Variants in EPHA4 observed in about 807,000 individuals in gnomAD.
The protein encoded by EPHA4 is EPH receptor A4, also known as ephrin type-A receptor 4.
In EPHA4, 19 loss-of-function variants were observed where a neutral mutation model predicts 108.3. The observed-to-expected ratio is 0.18, with a 90% CI of 0.12 to 0.26. EPHA4 has a LOEUF of 0.26. EPHA4 is among the 10% of genes least tolerant of loss of function. The probability of loss-of-function intolerance (pLI) is 1.00; values close to 1 mark genes in which losing one functional copy is unlikely to be tolerated. For synonymous variants in EPHA4, 449 were observed against 455.5 expected (o/e 0.99, Z 0.18); for missense variants, 917 against 1,254.0 (o/e 0.73, Z 4.06).
intron 5 of EPHA4, among the ~76,000 whole-genome samples, chr2:221,459,381 G>T (rs1462090602): frequency 6.6e-6 from 1 of 151,492 alleles, no homozygotes; most frequent in Non-Finnish European, 1.5e-5. Flanking sequence ...AAACACAAGG[G>T]AAAGATACAG....
Position 221,456,599 on chromosome 2 carries a change from G to T in EPHA4, c.1603+14C>A, listed in dbSNP as rs762109879. 5 of 1,613,104 alleles carry T rather than the reference G, an allele frequency of 3.1e-6. No homozygotes were observed. The highest frequency in any genetic ancestry group is 4.2e-6 in the Non-Finnish European group (5 of 1,179,310). Reference sequence around the variant, plus strand: ...TAGCCTCAGAAGTGACTGAGTCTGGGTGGTCCTTGTTACCTGTGTTGGTTG... The same window carrying T: ...TAGCCTCAGAAGTGACTGAGTCTGGTTGGTCCTTGTTACCTGTGTTGGTTG... On this transcript the variant is annotated intron_variant, in intron 7 of 17. Transcript: ENST00000281821.
At chr2:221,500,470 G>A (rs574507084) in intron 4 of EPHA4, among the ~76,000 whole-genome samples, 23 of 152,304 alleles carry the variant, frequency 1.5e-4, no homozygotes, top group African/African-American at 5.3e-4. Context: ...AAGCTTCCCA[G>A]CCTCATCCAT....
intron 4 of EPHA4, among the ~76,000 whole-genome samples, chr2:221,492,484 C>T (rs140758306): frequency 1.3e-5 from 2 of 152,240 alleles, no homozygotes; most frequent in African/African-American, 2.4e-5. Context: ...CTAGTGCCTT[C>T]GTTGAAGCTC....
At chr2:221,556,471 A>AT (rs1225934215) in intron 3 of EPHA4, among the ~76,000 whole-genome samples, 1,798 of 113,730 alleles carry the variant, frequency 0.016, 25 homozygotes, top group African/African-American at 0.032. Context: ...TAATTTTTGT[A>AT]TTTTTTTTTT....
intron 3 of EPHA4, among the ~76,000 whole-genome samples, chr2:221,554,135 C>T (rs1461750123): frequency 2.0e-5 from 3 of 152,174 alleles, no homozygotes; most frequent in East Asian, 1.9e-4. Flanking sequence ...TTTTCTCATC[C>T]GCTAATGACA....
chr2:221,552,096 T>C (rs1021155635), intron 3 of EPHA4, among the ~76,000 whole-genome samples: 2 of 152,204 alleles, frequency 1.3e-5, no homozygotes, highest in Non-Finnish European at 2.9e-5. Context: ...TTGTTAATTA[T>C]CTACAAGTCC....
At position 221,482,896 on chromosome 2, in the gene EPHA4, C is replaced by T. The variant is rs553087506; in HGVS notation, c.980-206G>A. On this transcript the variant is annotated intron_variant, in intron 4 of 17. Transcript: ENST00000281821. ...TACGTGAGTGTCATTCTCTTTCCCA[C>T]GCAAACAAACAAGGCATCGGTTGTC... Among the ~76,000 whole-genome samples, 72 of 152,318 alleles carry T rather than the reference C, an allele frequency of 4.7e-4. 2 individuals are homozygous for T. In the South Asian group the frequency reaches 0.014, roughly 29 times the overall value.
At chr2:221,456,045 C>A (rs961597300) in intron 7 of EPHA4, among the ~76,000 whole-genome samples, 5 of 151,858 alleles carry the variant, frequency 3.3e-5, no homozygotes, top group African/African-American at 1.2e-4. Context: ...CATTGATTAC[C>A]GGGATGGAGG....
At chr2:221,573,619 CGGCGGCCGGGCGGCCGCTGGG>C (rs1160432625), upstream of EPHA4, 1 of 152,140 alleles carries the variant, frequency 6.6e-6, no homozygotes, top group African/African-American at 2.4e-5. This position sits in a 1 kb window ranked among gnomAD's most constrained non-coding sequence, Gnocchi z 4.5. Context: ...GCCTGGGTCC[CGGCGGCCGGGCGGCCGCTGGG>C]AGGTGGAGGA....
At chr2:221,517,149 G>A (rs945714470) in intron 3 of EPHA4, among the ~76,000 whole-genome samples, 4 of 152,166 alleles carry the variant, frequency 2.6e-5, no homozygotes, top group African/African-American at 9.7e-5. Flanking sequence ...CTGGTAATAT[G>A]AGAGACTGAG....
Position 221,425,927 on chromosome 2 carries a change from T to G in EPHA4, c.*101A>C. 1 of 956,634 alleles carries G rather than the reference T, an allele frequency of 1.0e-6. No individual in the cohort carries two copies. 59.3% of individuals were successfully genotyped at this position (956,634 alleles called of 1,614,324 possible). A position where few individuals can be genotyped will look rare whatever the true frequency, so the allele number is the denominator to read the frequency against. On this transcript the variant is annotated 3_prime_UTR_variant, in exon 17 of 18. Transcript: ENST00000281821. ...TGTTTTTTTTTTTCATTTCTTTAAT[T>G]TCAGAGGGCGAAGACGAAGTAAAAA... is the stretch of plus-strand genomic sequence containing the variant.
At chr2:221,472,300 C>CA (rs11397333) in intron 5 of EPHA4, among the ~76,000 whole-genome samples, 50,025 of 116,188 alleles carry the variant, frequency 0.43, 10,479 homozygotes, top group East Asian at 0.61. Flanking sequence ...ACTTATTTTA[C>CA]AAAAAAAAAA....
Position 221,564,136 on chromosome 2 carries a change from T to C in EPHA4, c.418A>G (p.Asn140Asp). 1 of 1,614,130 alleles carries C rather than the reference T, an allele frequency of 6.2e-7. No homozygotes were observed. The highest frequency in any genetic ancestry group is 2.2e-5 in the East Asian group (1 of 44,882). Reference protein sequence around the residue: ...DNDKERFIRENQFVKIDTIAA... With the variant: ...DNDKERFIREDQFVKIDTIAA... ...ATGGTGTCAATTTTGACAAACTGGT[T>C]CTCTCTGATGAAACGCTCTTTGTCG... Residue 140 changes from asparagine (N) to aspartate (D), a missense_variant, in exon 3 of 18, where the codon AAC becomes GAC. Physicochemically the swap from Asn to Asp is conservative, Grantham distance 23. Transcript: ENST00000281821.
intron 5 of EPHA4, among the ~76,000 whole-genome samples, chr2:221,474,811 A>G (rs537001814): frequency 1.6e-4 from 24 of 152,300 alleles, no homozygotes; most frequent in Non-Finnish European, 2.5e-4. Flanking sequence ...GATTTACTGG[A>G]GATCAAAGGC....
In EPHA4 at chr2:221,425,805, G is replaced by A; in HGVS notation, c.*223C>T. 9.4e-6 allele frequency: 5 copies of A among 531,450 alleles called. No individual in the cohort carries two copies. In the South Asian group the frequency reaches 9.9e-5, roughly 11 times the overall value. 32.9% of individuals were successfully genotyped at this position (531,450 alleles called of 1,614,324 possible). A position where few individuals can be genotyped will look rare whatever the true frequency, so the allele number is the denominator to read the frequency against. On this transcript the variant is annotated 3_prime_UTR_variant, in exon 17 of 18. Transcript: ENST00000281821. ...GTGATGAACAGAAAAGTACTTCTGA[G>A]AAACGATTTGTTCCAGGTCTCATTC...
chr2:221,430,640 C>T (rs531774221), intron 14 of EPHA4, among the ~76,000 whole-genome samples: 1 of 152,208 alleles, frequency 6.6e-6, no homozygotes, highest in South Asian at 2.1e-4. Flanking sequence ...CTTACATAGA[C>T]AGCCAGTGTG....
At chr2:221,559,903 A>C (rs907101305) in intron 3 of EPHA4, among the ~76,000 whole-genome samples, 4 of 152,224 alleles carry the variant, frequency 2.6e-5, no homozygotes, top group Admixed American at 2.6e-4. Flanking sequence ...AAATCATTTC[A>C]GAAAATGTTA....
chr2:221,545,168 C>T (rs969406026), intron 3 of EPHA4, among the ~76,000 whole-genome samples: 2 of 152,198 alleles, frequency 1.3e-5, no homozygotes, highest in Admixed American at 6.5e-5. Flanking sequence ...AAAGGTATGG[C>T]CGGGCGCGGT....
intron 8 of EPHA4, among the ~76,000 whole-genome samples, chr2:221,454,039 G>T (rs963711118): frequency 1.3e-5 from 2 of 152,002 alleles, no homozygotes; most frequent in Non-Finnish European, 2.9e-5. Context: ...TAGCTGCCAG[G>T]TGTGGTGGCG....
Sources: allele counts gnomAD v4.1 joint callset (sites outside exome capture counted in the v4.1 genomes callset), GRCh38; gene constraint gnomAD v4.1.1; non-coding constraint Gnocchi (gnomAD v3.1); transcripts MANE v1.5; gene names NCBI Gene and HGNC (gene_info 2026-07-23, HGNC 2026-07-21).